CDH13: variants seen among roughly 807,000 people sequenced by gnomAD.
CDH13 encodes the protein cadherin 13.
Under a neutral mutation model 63.8 loss-of-function variants are expected in CDH13, and 24 were observed. That is an observed-to-expected ratio of 0.38 (90% CI 0.27 to 0.53). The LOEUF is 0.53. CDH13 is among the 20% of genes least tolerant of loss of function. The pLI, the probability that CDH13 is intolerant of heterozygous loss-of-function variation, is 0.85. For missense variants in CDH13, 1,049 were observed against 903.1 expected, an observed-to-expected ratio of 1.16 and a Z score of -2.07; for synonymous variants, 503 against 355.3, an observed-to-expected ratio of 1.42 and a Z score of -4.67.
At chr16:83,689,420 A>T (rs1904626786) in intron 10 of CDH13, among the ~76,000 whole-genome samples, 1 of 152,200 alleles carries the variant, frequency 6.6e-6, no homozygotes, top group Non-Finnish European at 1.5e-5. Context: ...CTGATTTATT[A>T]TCTGAGTTTG....
chr16:82,908,848 CTGAA>C (rs1271050219), intron 2 of CDH13, among the ~76,000 whole-genome samples: 6 of 152,210 alleles, frequency 3.9e-5, no homozygotes, highest in Admixed American at 2.0e-4. Flanking sequence ...TGGGTTTGAA[CTGAA>C]TGGCTCCACT....
chr16:82,945,401 C>A (rs753286463), intron 2 of CDH13, among the ~76,000 whole-genome samples: 26 of 151,658 alleles, frequency 1.7e-4, no homozygotes, highest in Non-Finnish European at 3.2e-4. Flanking sequence ...GGATCAAGTA[C>A]GAAATGGATA....
At chr16:82,986,956 G>A (rs192973292) in intron 2 of CDH13, among the ~76,000 whole-genome samples, 36 of 152,296 alleles carry the variant, frequency 2.4e-4, no homozygotes, top group Admixed American at 5.2e-4. Flanking sequence ...GAAAACATGT[G>A]AGGAAACACT....
chr16:82,709,392 CA>C (rs2031742129), intron 1 of CDH13, among the ~76,000 whole-genome samples: 1 of 152,100 alleles, frequency 6.6e-6, no homozygotes. Context: ...TTTAAAGCAA[CA>C]GATATGAAGC....
intron 2 of CDH13, among the ~76,000 whole-genome samples, chr16:83,024,485 C>T (rs1410580528): frequency 6.6e-6 from 1 of 152,050 alleles, no homozygotes; most frequent in African/African-American, 2.4e-5. Context: ...TGGCATAGCC[C>T]TCAGGAGTGT....
chr16:83,200,921 ATGTGTGTGTGTGTGTGTGTGTGTG>A (rs374017580), intron 4 of CDH13, among the ~76,000 whole-genome samples: 7 of 129,752 alleles, frequency 5.4e-5, no homozygotes, highest in South Asian at 2.8e-4. Flanking sequence ...AGTCTTAAAA[ATGTGTGTGTGTGTGTGTGTGTGTG>A]TGTGTGTGTG....
At chr16:83,493,907 C>T (rs2074076497) in intron 7 of CDH13, among the ~76,000 whole-genome samples, 1 of 152,136 alleles carries the variant, frequency 6.6e-6, no homozygotes. Context: ...ACATTTCTAG[C>T]CTGATGGAGA....
At chr16:83,087,137 A>G (rs751019862) in intron 3 of CDH13, among the ~76,000 whole-genome samples, 5 of 152,188 alleles carry the variant, frequency 3.3e-5, no homozygotes, top group Non-Finnish European at 7.3e-5. Context: ...ACACAGCACA[A>G]TTAATCCTGA....
chr16:82,930,966 G>C (rs945179997), intron 2 of CDH13, among the ~76,000 whole-genome samples: 1 of 152,304 alleles, frequency 6.6e-6, no homozygotes, highest in African/African-American at 2.4e-5. Flanking sequence ...TCCCCACAGG[G>C]GCAGCTTCCG....
At chr16:83,305,319 C>A (rs8060342) in intron 5 of CDH13, among the ~76,000 whole-genome samples, 4 of 152,220 alleles carry the variant, frequency 2.6e-5, no homozygotes, top group Non-Finnish European at 4.4e-5. Context: ...TTATCAACAT[C>A]TGTTTCTAGG....
intron 2 of CDH13, among the ~76,000 whole-genome samples, chr16:82,955,201 A>C (rs1289854493): frequency 2.6e-5 from 4 of 152,176 alleles, no homozygotes. Flanking sequence ...TTCTTTTTCC[A>C]AGCAGTCTTA....
chr16:83,746,179 A>C (rs1441434255), intron 10 of CDH13, among the ~76,000 whole-genome samples: 10 of 152,206 alleles, frequency 6.6e-5, no homozygotes, highest in Non-Finnish European at 1.5e-5. Context: ...GAAGTCCAAA[A>C]TCAGTCTAAC....
At chr16:83,730,652 G>A (rs1394945466) in intron 10 of CDH13, among the ~76,000 whole-genome samples, 1 of 152,072 alleles carries the variant, frequency 6.6e-6, no homozygotes, top group African/African-American at 2.4e-5. Flanking sequence ...TTTTGTTTTC[G>A]TTTTTTGGTT....
In CDH13 at chr16:83,094,124, C is replaced by G. The variant is rs748376310; in HGVS notation, c.367-31261C>G. On this transcript the variant is annotated intron_variant, in intron 3 of 13. Coordinates refer to ENST00000567109, the MANE Select transcript of CDH13 (RefSeq NM_001257.5). ...TCCTCATTGTTGTAACAAATAGTTA[C>G]AAAATTCTCGTTGCATGGCTCTGGC... is the stretch of plus-strand genomic sequence containing the variant. Among the ~76,000 whole-genome samples the G allele has an allele frequency of 3.0e-4, 45 of 152,130 alleles. 1 individual carries two copies. The highest frequency in any genetic ancestry group is 8.8e-5 in the Non-Finnish European group (6 of 68,038).
At chr16:83,484,457 A>G (rs1232629395) in intron 6 of CDH13, among the ~76,000 whole-genome samples, 1 of 152,256 alleles carries the variant, frequency 6.6e-6, no homozygotes, top group East Asian at 1.9e-4. Context: ...GTTAGGCAGG[A>G]TGCCCTAATC....
At chr16:83,271,152 T>TA (rs1309929526) in intron 5 of CDH13, among the ~76,000 whole-genome samples, 1 of 151,982 alleles carries the variant, frequency 6.6e-6, no homozygotes, top group Non-Finnish European at 1.5e-5. Flanking sequence ...TGACCACTGA[T>TA]ACATGTACCT....
intron 2 of CDH13, among the ~76,000 whole-genome samples, chr16:82,948,933 C>A (rs980625587): frequency 6.6e-6 from 1 of 152,160 alleles, no homozygotes; most frequent in Admixed American, 6.6e-5. Context: ...CTGGTCCAGA[C>A]CTTGTAAGTA....
rs138602823 is a variant in CDH13 at position 82,671,264 on chromosome 16, G to A, written c.45+44127G>A. On this transcript the variant is annotated intron_variant, in intron 1 of 13. Transcript: ENST00000567109. ...AGGCAACAAAAGGGAACCCAGAAGG[G>A]TTTTTTATTTTTTGGTGTGGTCTTC... is the stretch of plus-strand genomic sequence containing the variant. 2.7e-3 allele frequency among the ~76,000 whole-genome samples: 417 copies of A among 152,292 alleles called. 1 individual carries two copies. The highest frequency in any genetic ancestry group is 0.022 in the South Asian group (104 of 4,820).
At chr16:83,046,612 C>A (rs1917806686) in intron 3 of CDH13, among the ~76,000 whole-genome samples, 1 of 152,066 alleles carries the variant, frequency 6.6e-6, no homozygotes, top group African/African-American at 2.4e-5. Flanking sequence ...AGGAAATAGC[C>A]CACTGGGAAG....
Sources: allele counts gnomAD v4.1 joint callset (sites outside exome capture counted in the v4.1 genomes callset), GRCh38; gene constraint gnomAD v4.1.1; transcripts MANE v1.5; gene names NCBI Gene and HGNC (gene_info 2026-07-23, HGNC 2026-07-21).